Variants in KIF5A observed in about 807,000 individuals in gnomAD.
The protein encoded by KIF5A is kinesin heavy chain isoform 5A.
A neutral mutation model predicts 141.3 loss-of-function variants in KIF5A; 35 were observed. The ratio of observed to expected loss-of-function variants is 0.25; its 90% CI spans 0.19 to 0.33. The LOEUF (loss-of-function observed/expected upper bound fraction) is 0.33, where lower values mean the gene tolerates loss of function less well. Among genes scored for constraint, KIF5A ranks in the 10% least tolerant of loss-of-function variants. The pLI, the probability that KIF5A is intolerant of heterozygous loss-of-function variation, is 1.00. For synonymous variants in KIF5A, 448 were observed against 500.2 expected, an observed-to-expected ratio of 0.90 and a Z score of 1.39; for missense variants, 861 against 1,314.3, an observed-to-expected ratio of 0.66 and a Z score of 5.33.
intron 1 of KIF5A, among the ~76,000 whole-genome samples, chr12:57,562,675 TA>T (rs1390161866): frequency 1.3e-5 from 2 of 152,220 alleles, no homozygotes; most frequent in African/African-American, 4.8e-5. Flanking sequence ...GAACATGCTA[TA>T]AATATATGTC....
intron 6 of KIF5A, among the ~76,000 whole-genome samples, chr12:57,565,509 G>A (rs1472076109): frequency 6.6e-6 from 1 of 151,792 alleles, no homozygotes; most frequent in African/African-American, 2.4e-5. Flanking sequence ...AAGTTTACTG[G>A]AAGAAATGCC....
rs1882751475 is a variant in KIF5A at position 57,586,055 on chromosome 12, C to G, written c.*1874C>G. ...GTGGAGTAGTTTGAAAACCATTGTTCTGAGGAAGGGGGTCCAATCTGGCTC... is the reference window on the plus strand; with the variant it reads ...GTGGAGTAGTTTGAAAACCATTGTTGTGAGGAAGGGGGTCCAATCTGGCTC... On this transcript the variant is annotated 3_prime_UTR_variant, in exon 29 of 29. Coordinates refer to ENST00000455537, the MANE Select transcript of KIF5A (RefSeq NM_004984.4). The G allele has an allele frequency of 6.6e-6, 1 of 151,376 alleles. No individual in the cohort carries two copies. Among genetic ancestry groups the G allele is most frequent in the Non-Finnish European group, 1.5e-5 (1 of 67,960 alleles). The allele number at this position is 151,376 out of a possible 1,614,324, so 9.4% of individuals were successfully genotyped here.
rs1326763785 is a variant in KIF5A, at chr12:57,575,339, T to C, written c.1905+67T>C. 1.4e-5 allele frequency: 20 copies of C among 1,462,990 alleles called. No individual in the cohort carries two copies. The East Asian group carries it at 3.8e-4, about 27-fold the overall frequency. The allele number at this position is 1,462,990 out of a possible 1,614,324, so 90.6% of individuals were successfully genotyped here. A position where few individuals can be genotyped will look rare whatever the true frequency, so the allele number is the denominator to read the frequency against. ...AAGAAGGCTACTCTGGGGTTATGGC[T>C]AAAACTCCTAACACCCACCTTTATG... On this transcript the variant is annotated intron_variant, in intron 16 of 28. Transcript: ENST00000455537.
At chr12:57,574,902 G>A (rs1187182381) in intron 15 of KIF5A, among the ~76,000 whole-genome samples, 182 bp from the exon 16 acceptor site, 1 of 152,102 alleles carries the variant, frequency 6.6e-6, no homozygotes, top group Non-Finnish European at 1.5e-5. Context: ...ATTTTTAAAT[G>A]CAGGCGGAGG....
intron 1 of KIF5A, among the ~76,000 whole-genome samples, chr12:57,551,872 G>GTCTC (rs57562029): frequency 3.7e-3 from 541 of 145,878 alleles, no homozygotes; most frequent in Middle Eastern, 0.017. Context: ...GATGCTTTTG[G>GTCTC]TCTCTCTCTC....
intron 1 of KIF5A, among the ~76,000 whole-genome samples, chr12:57,559,200 A>C (rs941094920): frequency 6.6e-6 from 1 of 152,200 alleles, no homozygotes; most frequent in African/African-American, 2.4e-5. Context: ...TATTTTTTGC[A>C]TATGTGCAGT....
chr12:57,570,036 G>A lies in KIF5A; in HGVS notation c.1167G>A (p.Leu389=), dbSNP rs758700375. 7 of 1,613,896 alleles carry A rather than the reference G, an allele frequency of 4.3e-6. No individual in the cohort carries two copies. In the Admixed American group the frequency reaches 1.2e-4, roughly 27 times the overall value. Residue 389 remains leucine (L), a synonymous_variant, in exon 12 of 29, where the codon CTG becomes CTA. Transcript: ENST00000455537. The stretch of plus-strand genomic sequence containing the variant: ...GCCTGGCTGGGGAGGAGGCAGCCCT[G>A]GGAGCCGAGCTCTGTGAGGAGACCC... ...TERLAGEEAA[L]GAELCEETPV... is the part of the protein sequence containing the mutation.
At chr12:57,553,675 A>G (rs752949696) in intron 1 of KIF5A, among the ~76,000 whole-genome samples, 1 of 151,978 alleles carries the variant, frequency 6.6e-6, no homozygotes, top group Non-Finnish European at 1.5e-5. Context: ...CTGATCTTAA[A>G]CCCCCAGCCC....
rs1461718357 is a variant in KIF5A, at chr12:57,577,754, A to G, written c.2342A>G (p.Lys781Arg). Residue 781 changes from lysine (K) to arginine (R), a missense_variant, in exon 21 of 29, where the codon AAG becomes AGG. Physicochemically the swap from Lys to Arg is conservative, Grantham distance 26 (BLOSUM62 2). Coordinates refer to ENST00000455537, the MANE Select transcript of KIF5A (RefSeq NM_004984.4). The stretch of plus-strand genomic sequence containing the variant: ...CATGAGCAGTCCAAGCAGGACCTCA[A>G]GGGTCTGGAGGAGACAGTTGTGAGT... Reference protein sequence around the residue: ...ERHEQSKQDLKGLEETVAREL... With the variant: ...ERHEQSKQDLRGLEETVAREL... 1 of 1,613,800 alleles carries G rather than the reference A, an allele frequency of 6.2e-7. No individual in the cohort carries two copies. The highest frequency in any genetic ancestry group is 2.2e-5 in the East Asian group (1 of 44,890).
At chr12:57,559,854 G>A (rs954495446) in intron 1 of KIF5A, among the ~76,000 whole-genome samples, 6 of 151,946 alleles carry the variant, frequency 3.9e-5, no homozygotes, top group African/African-American at 7.3e-5. Context: ...ATATATTGAC[G>A]TTCTATTTAT....
chr12:57,575,295 C>T (rs777681395), intron 16 of KIF5A, 23 bp downstream of exon 16: 4 of 1,607,652 alleles, frequency 2.5e-6, no homozygotes, highest in South Asian at 1.1e-5. Context: ...GTTTGAGAAC[C>T]TTCAGATGCC....
At position 57,554,159 on chromosome 12, in the gene KIF5A, C is replaced by A. The variant is rs1220649367; in HGVS notation, c.129+3759C>A. 2.0e-5 allele frequency among the ~76,000 whole-genome samples: 3 copies of A among 152,134 alleles called. No homozygotes were observed. The East Asian group carries it at 5.8e-4, about 29-fold the overall frequency. ...CTGACACAGTGTTGGCATTTCAGTTCTTGGATCACTTTGCAGTGTGGGTCT... is the reference window on the plus strand; with the variant it reads ...CTGACACAGTGTTGGCATTTCAGTTATTGGATCACTTTGCAGTGTGGGTCT... On this transcript the variant is annotated intron_variant, in intron 1 of 28. Transcript: ENST00000455537.
intron 6 of KIF5A, among the ~76,000 whole-genome samples, chr12:57,565,587 A>G (rs1020680825): frequency 7.9e-5 from 12 of 151,834 alleles, no homozygotes; most frequent in Admixed American, 4.6e-4. Context: ...CAGCCTGGCC[A>G]ACATAGCAAG....
At chr12:57,553,643 C>A (rs1403466866) in intron 1 of KIF5A, among the ~76,000 whole-genome samples, 1 of 152,168 alleles carries the variant, frequency 6.6e-6, no homozygotes, top group African/African-American at 2.4e-5. Flanking sequence ...GAGGGTTGAA[C>A]AGGTTGGTCA....
rs760970894 is a variant in KIF5A, at chr12:57,564,104, C to A, written c.292-4C>A. On this transcript the variant is annotated splice_region_variant and splice_polypyrimidine_tract_variant and intron_variant, in intron 3 of 28. Coordinates refer to ENST00000455537, the MANE Select transcript of KIF5A (RefSeq NM_004984.4). ...CTTCACTCTCAAATACCTTCACTCG[C>A]CAGGGAAAGCTGCACGACCCTCAGC... The A allele has an allele frequency of 6.2e-7, 1 of 1,611,468 alleles. No individual in the cohort carries two copies. The highest frequency in any genetic ancestry group is 8.5e-7 in the Non-Finnish European group (1 of 1,177,686).
At chr12:57,552,455 G>T (rs959658354) in intron 1 of KIF5A, among the ~76,000 whole-genome samples, 1 of 152,154 alleles carries the variant, frequency 6.6e-6, no homozygotes, top group Non-Finnish European at 1.5e-5. Context: ...TATCTGTAGG[G>T]CTGTACCTTT....
intron 8 of KIF5A, 88 bp downstream of exon 8, chr12:57,567,706 G>C: frequency 7.0e-7 from 1 of 1,418,712 alleles, no homozygotes; most frequent in Non-Finnish European, 9.3e-7. Flanking sequence ...TGTCGCCCGG[G>C]CTGGTTTGCA....
Position 57,572,383 on chromosome 12 carries a change from A to T in KIF5A, c.1569+116A>T. On this transcript the variant is annotated intron_variant, in intron 14 of 28. Coordinates refer to ENST00000455537, the MANE Select transcript of KIF5A (RefSeq NM_004984.4). This position sits in a 1 kb window ranked among gnomAD's most constrained non-coding sequence, Gnocchi z 4.2. ...TGGCTGCACCTCTGCACTGCTGTTC[A>T]GTGCATTGTGAGTCCCTCCCCAACC... is the stretch of plus-strand genomic sequence containing the variant. 7.8e-7 allele frequency: 1 copy of T among 1,273,994 alleles called. No individual in the cohort carries two copies. Among genetic ancestry groups the T allele is most frequent in the Non-Finnish European group, 1.1e-6 (1 of 896,402 alleles). The allele number at this position is 1,273,994 out of a possible 1,614,324, so 78.9% of individuals were successfully genotyped here. A position where few individuals can be genotyped will look rare whatever the true frequency, so the allele number is the denominator to read the frequency against.
chr12:57,574,581 ATT>A (rs11430710), intron 15 of KIF5A, among the ~76,000 whole-genome samples: 24 of 100,710 alleles, frequency 2.4e-4, no homozygotes, highest in South Asian at 3.5e-4. Context: ...CCAGAATTGG[ATT>A]TTTTTTTTTT....
Sources: gnomAD v4.1 joint callset for allele counts (sites outside exome capture counted in the v4.1 genomes callset) on GRCh38, gnomAD v4.1.1 for gene constraint, Gnocchi (gnomAD v3.1) non-coding constraint, MANE v1.5 for transcripts, NCBI Gene and HGNC (gene_info 2026-07-23, HGNC 2026-07-21) for gene names.